The following F11 variants were observed in gnomAD, a reference collection of about 807,000 sequenced individuals.
F11 encodes the protein coagulation factor XI.
In F11, 78 loss-of-function variants were observed where a neutral mutation model predicts 76.5. The ratio of observed to expected loss-of-function variants is 1.02; its 90% CI spans 0.85 to 1.23. The LOEUF (loss-of-function observed/expected upper bound fraction) is 1.23, where lower values mean the gene tolerates loss of function less well. F11 is among the 50% of genes most tolerant of loss of function. The pLI is 0.00. For synonymous variants in F11, 278 were observed against 276.3 expected (o/e 1.01, Z -0.06); for missense variants, 742 against 771.4 (o/e 0.96, Z 0.45).
intron 2 of F11, among the ~76,000 whole-genome samples, chr4:186,269,590 C>T (rs1183419560): frequency 1.3e-5 from 2 of 152,032 alleles, no homozygotes; most frequent in Non-Finnish European, 2.9e-5. Context: ...TGCCAGGGGC[C>T]GAGGGGCCAG....
intron 5 of F11, 49 bp downstream of exon 5, chr4:186,274,324 G>T: frequency 2.5e-6 from 4 of 1,612,640 alleles, no homozygotes; most frequent in Non-Finnish European, 3.4e-6. Context: ...ACAGAATCGT[G>T]ATTTACTAAA....
chr4:186,268,853 A>G (rs752634025), intron 2 of F11, among the ~76,000 whole-genome samples: 55 of 152,178 alleles, frequency 3.6e-4, no homozygotes, highest in South Asian at 1.0e-3. Context: ...AAAAGGGAAA[A>G]ATTAATGATA....
chr4:186,270,802 T>A (rs2126716534), intron 2 of F11, among the ~76,000 whole-genome samples: 2 of 151,058 alleles, frequency 1.3e-5, no homozygotes, highest in Admixed American at 1.3e-4. Context: ...CAGGAGATCC[T>A]CCTACCTCAG....
chr4:186,270,184 G>A (rs1739827917), intron 2 of F11, among the ~76,000 whole-genome samples: 1 of 152,184 alleles, frequency 6.6e-6, no homozygotes, highest in Non-Finnish European at 1.5e-5. Context: ...TTAATTAAAT[G>A]AGTAAGAAGT....
rs544957435 is a variant in F11 at position 186,280,683 on chromosome 4, C to T, written c.1135+103C>T. ...TTATAGCCACAGAAGGGAGAACATT[C>T]AGGAAATAACAAATTTTGCAATTTT... On this transcript the variant is annotated intron_variant, in intron 10 of 14. Coordinates refer to ENST00000403665, the MANE Select transcript of F11 (RefSeq NM_000128.4). 9 of 1,047,648 alleles carry T rather than the reference C, an allele frequency of 8.6e-6. No homozygotes were observed. The African/African-American group carries it at 1.1e-4, about 13-fold the overall frequency. 64.9% of individuals were successfully genotyped at this position (1,047,648 alleles called of 1,614,324 possible).
intron 2 of F11, 88 bp downstream of exon 2, chr4:186,267,279 T>C: frequency 1.1e-6 from 1 of 877,360 alleles, no homozygotes; most frequent in Non-Finnish European, 2.0e-6. Context: ...ACACCATTTA[T>C]GCCGGGAAGG....
chr4:186,281,811 AGATTATCTGC>A (rs1740829100), intron 10 of F11: 1 of 1,056,564 alleles, frequency 9.5e-7, no homozygotes, highest in Non-Finnish European at 1.2e-6. Context: ...ATTCTGTGTC[AGATTATCTGC>A]TGTACCGAGA....
intron 7 of F11, among the ~76,000 whole-genome samples, 173 bp from the exon 8 acceptor site, chr4:186,279,839 G>A (rs1391410584): frequency 6.6e-6 from 1 of 152,160 alleles, no homozygotes; most frequent in Non-Finnish European, 1.5e-5. Context: ...GCCATGGAGT[G>A]TGACTCCATG....
chr4:186,276,869 T>C (rs1740429101), intron 7 of F11, among the ~76,000 whole-genome samples: 1 of 151,996 alleles, frequency 6.6e-6, no homozygotes, highest in South Asian at 2.1e-4. Flanking sequence ...GATTACAGGG[T>C]TGGGCCACCG....
At chr4:186,269,469 A>G (rs1428082815) in intron 2 of F11, among the ~76,000 whole-genome samples, 2 of 152,260 alleles carry the variant, frequency 1.3e-5, no homozygotes, top group African/African-American at 4.8e-5. Context: ...CCTTGAGGAC[A>G]TTACGCTAAG....
At chr4:186,283,433 C>G (rs1419484020) in intron 10 of F11, among the ~76,000 whole-genome samples, 1 of 152,162 alleles carries the variant, frequency 6.6e-6, no homozygotes. Context: ...GAGCCTGAGT[C>G]AAAGTCCCTG....
intron 11 of F11, 129 bp downstream of exon 11, chr4:186,284,389 AGTG>A: frequency 1.9e-6 from 2 of 1,030,898 alleles, no homozygotes; most frequent in Admixed American, 4.2e-5. Flanking sequence ...TAATTGCTTC[AGTG>A]GTAAAAAACG....
At position 186,267,067 on chromosome 4, in the gene F11, TAGTGTC is replaced by T. The variant is rs1047063382; in HGVS notation, c.-1-65_-1-60del. On this transcript the variant is annotated intron_variant, in intron 1 of 14. Transcript: ENST00000403665. ...CTCTCTCCCTATTTCTTGTAAGTCT[TAGTGTC>T]AGTAAACTAATTATAAATTTACATT... The T allele has an allele frequency of 8.3e-5, 80 of 968,946 alleles. No homozygotes were observed. The African/African-American group carries it at 9.9e-4, about 12-fold the overall frequency. 60.0% of individuals were successfully genotyped at this position (968,946 alleles called of 1,614,324 possible).
chr4:186,267,064 T>A lies in F11; in HGVS notation c.-1-72T>A, dbSNP rs929965347. 25 of 950,004 alleles carry A rather than the reference T, an allele frequency of 2.6e-5. 1 individual carries two copies. In the Admixed American group the frequency reaches 4.3e-4, roughly 16 times the overall value. The allele number at this position is 950,004 out of a possible 1,614,324, so 58.8% of individuals were successfully genotyped here. ...CCCCTCTCTCCCTATTTCTTGTAAGTCTTAGTGTCAGTAAACTAATTATAA... is the reference window on the plus strand; with the variant it reads ...CCCCTCTCTCCCTATTTCTTGTAAGACTTAGTGTCAGTAAACTAATTATAA... On this transcript the variant is annotated intron_variant, in intron 1 of 14. Transcript: ENST00000403665.
rs368132203 is a variant in F11, at chr4:186,289,062, A to G, written c.*448A>G. The G allele has an allele frequency of 5.7e-6, 1 of 174,680 alleles. No homozygotes were observed. Among genetic ancestry groups the G allele is most frequent in the African/African-American group, 2.4e-5 (1 of 41,922 alleles). The allele number at this position is 174,680 out of a possible 1,614,324, so 10.8% of individuals were successfully genotyped here. On this transcript the variant is annotated 3_prime_UTR_variant, in exon 15 of 15. Transcript: ENST00000403665. ...TTTTGCAGGAATCTACACTCTGCCT[A>G]TGTGAACACATTTCTTTTGTAAAGA...
chr4:186,271,989 T>C (rs1473886434), intron 3 of F11, among the ~76,000 whole-genome samples: 2 of 152,206 alleles, frequency 1.3e-5, no homozygotes, highest in Non-Finnish European at 2.9e-5. Flanking sequence ...GCCTCTCCTA[T>C]AGTCTCATAT....
In F11 at chr4:186,285,807, T is replaced by G; in HGVS notation, c.1474T>G (p.Tyr492Asp). 1 of 1,614,174 alleles carries G rather than the reference T, an allele frequency of 6.2e-7. No homozygotes were observed. The highest frequency in any genetic ancestry group is 8.5e-7 in the Non-Finnish European group (1 of 1,180,014). Residue 492 changes from tyrosine to aspartate, a missense_variant, in exon 12 of 15, where the codon TAC (tyrosine) becomes GAC (aspartate). Transcript: ENST00000403665. ...GTTGAAACTGGAAACCACAGTGAAT[T>G]ACACAGGTACGGAGAATTTTATCCG... ...ALLKLETTVNYTDSQRPICLP... is the reference protein window; with the variant it reads ...ALLKLETTVNDTDSQRPICLP...
At chr4:186,282,043 T>C in intron 10 of F11, 1 of 1,251,696 alleles carries the variant, frequency 8.0e-7, no homozygotes, top group Non-Finnish European at 1.1e-6. Flanking sequence ...TAAATTTCCC[T>C]AAGACAAGAA....
At position 186,288,520 on chromosome 4, in the gene F11, G is replaced by T. The variant is rs764457412; in HGVS notation, c.1784G>T (p.Trp595Leu). 6.2e-7 allele frequency: 1 copy of T among 1,614,194 alleles called. No individual in the cohort carries two copies. Among genetic ancestry groups the T allele is most frequent in the Non-Finnish European group, 8.5e-7 (1 of 1,180,036 alleles). Residue 595 changes from tryptophan (W) to leucine (L), a missense_variant, in exon 15 of 15, where the codon TGG becomes TTG. Physicochemically the swap from Trp to Leu is moderately conservative, Grantham distance 61. Coordinates refer to ENST00000403665, the MANE Select transcript of F11 (RefSeq NM_000128.4). ...TGGCATCTGGTAGGCATCACGAGCT[G>T]GGGCGAAGGCTGTGCTCAAAGGGAG... ...EVWHLVGITSWGEGCAQRERP... is the reference protein window; with the variant it reads ...EVWHLVGITSLGEGCAQRERP...
Sources: gnomAD v4.1 joint callset for allele counts (sites outside exome capture counted in the v4.1 genomes callset) on GRCh38, gnomAD v4.1.1 for gene constraint, MANE v1.5 for transcripts, NCBI Gene and HGNC (gene_info 2026-07-23, HGNC 2026-07-21) for gene names.